SENP6: variants seen among roughly 807,000 people sequenced by gnomAD.
SENP6 encodes sentrin-specific protease 6.
A neutral mutation model predicts 134.5 loss-of-function variants in SENP6; 41 were observed. The observed-to-expected ratio is 0.30, with a 90% CI of 0.24 to 0.40. The LOEUF is 0.40. Ranked by LOEUF, SENP6 falls within the 10% of genes least tolerant of loss-of-function variation. The pLI, the probability that SENP6 is intolerant of heterozygous loss-of-function variation, is 1.00. For synonymous variants in SENP6, 395 were observed against 429.8 expected (o/e 0.92, Z 1.00); for missense variants, 1,248 against 1,312.5 (o/e 0.95, Z 0.76).
At chr6:75,658,379 TAAAA>T (rs1205697317) in intron 7 of SENP6, among the ~76,000 whole-genome samples, 1 of 152,062 alleles carries the variant, frequency 6.6e-6, no homozygotes, top group Non-Finnish European at 1.5e-5. Flanking sequence ...AACCAAATGA[TAAAA>T]GAATATTAAA....
In SENP6 at chr6:75,652,696, A is replaced by AAAAAAAAG. The variant is rs1562008461; in HGVS notation, c.550+4901_550+4908dup. Among the ~76,000 whole-genome samples, 26 of 148,802 alleles carry AAAAAAAAG rather than the reference A, an allele frequency of 1.7e-4. No individual in the cohort carries two copies. In the East Asian group the frequency reaches 3.6e-3, roughly 21 times the overall value. On this transcript the variant is annotated intron_variant, in intron 7 of 23. Transcript: ENST00000447266. ...TACTAAAAATCTCAAAAAAAAAAAA[A>AAAAAAAAG]AAAAAAAGAAAAAGAAAAAAAATGC...
intron 18 of SENP6, among the ~76,000 whole-genome samples, chr6:75,702,282 A>G (rs927960831): frequency 3.3e-5 from 5 of 150,840 alleles, no homozygotes; most frequent in Non-Finnish European, 5.9e-5. Context: ...CTGTGGCACA[A>G]TCTCGGCTCA....
At chr6:75,611,886 T>C (rs1385439151) in intron 1 of SENP6, 1 of 152,244 alleles carries the variant, frequency 6.6e-6, no homozygotes, top group Non-Finnish European at 1.5e-5. Context: ...TAGAAGTAGA[T>C]AGACTAGTGA....
intron 17 of SENP6, among the ~76,000 whole-genome samples, chr6:75,696,253 T>C (rs957004899): frequency 3.3e-5 from 5 of 152,198 alleles, no homozygotes; most frequent in African/African-American, 1.2e-4. Context: ...ACCTGGAATT[T>C]ATAAATGTTC....
At position 75,680,968 on chromosome 6, in the gene SENP6, C is replaced by G. The variant is rs149186237; in HGVS notation, c.2075+2041C>G. Among the ~76,000 whole-genome samples the G allele has an allele frequency of 7.0e-3, 1,066 of 152,286 alleles. 13 individuals carry two copies. The highest frequency in any genetic ancestry group is 0.024 in the African/African-American group (1,002 of 41,556). On this transcript the variant is annotated intron_variant, in intron 16 of 23. Coordinates refer to ENST00000447266, the MANE Select transcript of SENP6 (RefSeq NM_015571.4). The stretch of plus-strand genomic sequence containing the variant: ...ACAAAAACCATAGTACTCAAAATGT[C>G]CAGATTTCAAAATGAAAATCATTTG...
intron 10 of SENP6, among the ~76,000 whole-genome samples, chr6:75,669,846 C>G (rs1453790184): frequency 6.6e-6 from 1 of 152,134 alleles, no homozygotes; most frequent in Non-Finnish European, 1.5e-5. Context: ...GCTTTTTATG[C>G]ATTAACTCAG....
chr6:75,639,496 G>A (rs1248321878), intron 5 of SENP6, among the ~76,000 whole-genome samples: 2 of 151,900 alleles, frequency 1.3e-5, no homozygotes, highest in East Asian at 3.9e-4. Flanking sequence ...CACATGATAG[G>A]AGTATAAGAA....
intron 16 of SENP6, among the ~76,000 whole-genome samples, chr6:75,691,624 G>C (rs906277002): frequency 1.3e-5 from 2 of 151,106 alleles, no homozygotes; most frequent in Admixed American, 6.6e-5. Context: ...TTTTGAGACG[G>C]AGCCTCGCTC....
intron 2 of SENP6, 142 bp downstream of exon 2, chr6:75,621,767 GAAA>G (rs2149829178): frequency 3.8e-6 from 2 of 528,432 alleles, no homozygotes; most frequent in East Asian, 6.4e-5. Context: ...TTTAAGGAAA[GAAA>G]AAGCAATTCC....
chr6:75,668,165 G>A (rs1279425126), intron 10 of SENP6, among the ~76,000 whole-genome samples: 1 of 152,110 alleles, frequency 6.6e-6, no homozygotes, highest in East Asian at 1.9e-4. Flanking sequence ...ATTTAAAGGG[G>A]GGATCTTGCT....
At chr6:75,616,419 C>G (rs1415810043) in intron 1 of SENP6, among the ~76,000 whole-genome samples, 1 of 151,974 alleles carries the variant, frequency 6.6e-6, no homozygotes, top group Non-Finnish European at 1.5e-5. Flanking sequence ...AGGTTCTAAT[C>G]TAATATCAAT....
Position 75,659,315 on chromosome 6 carries a change from A to T in SENP6, c.604A>T (p.Lys202Ter). The T allele has an allele frequency of 6.2e-7, 1 of 1,612,590 alleles. No homozygotes were observed. The highest frequency in any genetic ancestry group is 8.5e-7 in the Non-Finnish European group (1 of 1,178,730). Residue 202 changes from lysine to a stop codon, truncating the protein, a stop_gained, in exon 8 of 24, where the codon AAG becomes TAG. Coordinates refer to ENST00000447266, the MANE Select transcript of SENP6 (RefSeq NM_015571.4). LOFTEE classifies it high-confidence loss of function. ...ESESQVEPEIKRKVQQKRHCS... is the reference protein window; with the variant it reads ...ESESQVEPEI ...CGAATCACAAGTGGAGCCTGAAATT[A>T]AGAGGAAAGTACAACAGAAACGACA...
At chr6:75,644,520 T>C (rs1387096987) in intron 6 of SENP6, among the ~76,000 whole-genome samples, 1 of 151,750 alleles carries the variant, frequency 6.6e-6, no homozygotes, top group Admixed American at 6.6e-5. Flanking sequence ...AGTCTGGCTC[T>C]GTCGCCTAGG....
At chr6:75,624,532 C>G (rs890077467) in intron 3 of SENP6, among the ~76,000 whole-genome samples, 3 of 151,878 alleles carry the variant, frequency 2.0e-5, no homozygotes, top group Non-Finnish European at 4.4e-5. Context: ...GTATCTGTTT[C>G]CCCACACATC....
At chr6:75,632,017 C>T (rs1018870982) in intron 3 of SENP6, among the ~76,000 whole-genome samples, 2 of 152,098 alleles carry the variant, frequency 1.3e-5, no homozygotes, top group Non-Finnish European at 2.9e-5. Flanking sequence ...TTTCTGGGAG[C>T]GTGTGGGTTC....
intron 16 of SENP6, among the ~76,000 whole-genome samples, chr6:75,689,822 C>T (rs1444664571): frequency 4.0e-5 from 6 of 150,162 alleles, no homozygotes; most frequent in African/African-American, 7.6e-5. Context: ...TAAGTACACT[C>T]GATGATGCAC....
chr6:75,631,366 C>T (rs1769103064), intron 3 of SENP6, among the ~76,000 whole-genome samples: 1 of 152,098 alleles, frequency 6.6e-6, no homozygotes, highest in South Asian at 2.1e-4. Flanking sequence ...ACATATTGAG[C>T]ACAGTGTTCT....
intron 3 of SENP6, among the ~76,000 whole-genome samples, chr6:75,627,908 G>A (rs370896374): frequency 7.3e-4 from 111 of 152,088 alleles, no homozygotes; most frequent in African/African-American, 2.5e-3. Context: ...CTCTGACCTC[G>A]TGATCTGCCC....
chr6:75,715,350 A>C (rs1174534714), intron 23 of SENP6, 35 bp from the exon 24 acceptor site: 1 of 1,416,670 alleles, frequency 7.1e-7, no homozygotes, highest in Non-Finnish European at 9.8e-7. Context: ...GTTATTTATT[A>C]CAGTTTTCTA....
Sources: gnomAD v4.1 joint callset for allele counts (sites outside exome capture counted in the v4.1 genomes callset) on GRCh38, gnomAD v4.1.1 for gene constraint, MANE v1.5 for transcripts, NCBI Gene and HGNC (gene_info 2026-07-23, HGNC 2026-07-21) for gene names.